The following COMMD1 variants were observed in gnomAD, a reference collection of about 807,000 sequenced individuals.
COMMD1 encodes copper metabolism domain containing 1.
A neutral mutation model predicts 17.2 loss-of-function variants in COMMD1; 10 were observed. The observed-to-expected ratio is 0.58, with a 90% CI of 0.36 to 0.99. The LOEUF (loss-of-function observed/expected upper bound fraction) is 0.99. Among genes scored for constraint, COMMD1 ranks in the 50% least tolerant of loss-of-function variants. COMMD1 has a pLI of 0.01. For synonymous variants in COMMD1, 97 were observed against 91.6 expected, an observed-to-expected ratio of 1.06 and a Z score of -0.34; for missense variants, 270 against 231.8, an observed-to-expected ratio of 1.17 and a Z score of -1.07.
intron 1 of COMMD1, among the ~76,000 whole-genome samples, chr2:61,922,449 C>G (rs540572327): frequency 2.0e-5 from 3 of 152,284 alleles, no homozygotes; most frequent in South Asian, 4.1e-4. Context: ...TCCCAAGTAG[C>G]TGGGATTATA....
intron 2 of COMMD1, among the ~76,000 whole-genome samples, chr2:62,037,198 G>GC (rs1194306135): frequency 6.6e-6 from 1 of 152,154 alleles, no homozygotes; most frequent in African/African-American, 2.4e-5. Flanking sequence ...GGCTTTGCCT[G>GC]CCCCCTGCCT....
intron 2 of COMMD1, among the ~76,000 whole-genome samples, chr2:62,011,045 A>G (rs1338764508): frequency 1.3e-5 from 2 of 152,124 alleles, no homozygotes; most frequent in Non-Finnish European, 2.9e-5. Flanking sequence ...GATCTTCAGG[A>G]CCTGTATACT....
chr2:62,063,868 AATATATATATATATAT>A (rs55740628), intron 2 of COMMD1, among the ~76,000 whole-genome samples: 17 of 81,174 alleles, frequency 2.1e-4, no homozygotes, highest in South Asian at 1.7e-3. Flanking sequence ...GTCTCTACAA[AATATATATATATATAT>A]ATATATATAT....
At position 62,078,834 on chromosome 2, in the gene COMMD1, G is replaced by A. The variant is rs1159328746; in HGVS notation, c.463-56997G>A. Among the ~76,000 whole-genome samples, 6 of 150,536 alleles carry A rather than the reference G, an allele frequency of 4.0e-5. No individual in the cohort carries two copies. In the East Asian group the frequency reaches 1.2e-3, roughly 29 times the overall value. ...GGAGGTTGCAGTGAGCCAAGATTGC[G>A]CCACTGCACTCCAGCCTGGGCAACA... On this transcript the variant is annotated intron_variant, in intron 2 of 2. Coordinates refer to ENST00000311832, the MANE Select transcript of COMMD1 (RefSeq NM_152516.4).
At chr2:62,120,760 CT>C (rs1672720713) in intron 2 of COMMD1, among the ~76,000 whole-genome samples, 1 of 152,046 alleles carries the variant, frequency 6.6e-6, no homozygotes, top group African/African-American at 2.4e-5. Context: ...GAGTCTTGCC[CT>C]GTCACCCAGG....
At chr2:61,932,268 T>G (rs10200687) in intron 1 of COMMD1, among the ~76,000 whole-genome samples, 37 of 152,352 alleles carry the variant, frequency 2.4e-4, no homozygotes, top group African/African-American at 8.4e-4. Flanking sequence ...GATTTATAAA[T>G]CCAGTACTTC....
chr2:61,957,084 A>ATGTG (rs1046474516), intron 1 of COMMD1, among the ~76,000 whole-genome samples: 1 of 87,822 alleles, frequency 1.1e-5, no homozygotes, highest in Non-Finnish European at 2.3e-5. Context: ...AGGAAGATGG[A>ATGTG]TGCGTGTGTG....
At chr2:62,101,877 G>T (rs1204408958) in intron 2 of COMMD1, among the ~76,000 whole-genome samples, 1 of 152,132 alleles carries the variant, frequency 6.6e-6, no homozygotes, top group Non-Finnish European at 1.5e-5. Flanking sequence ...TATGGTGTCT[G>T]TCTCATGTAG....
chr2:62,098,148 C>G (rs1294532098), intron 2 of COMMD1, among the ~76,000 whole-genome samples: 1 of 149,716 alleles, frequency 6.7e-6, no homozygotes, highest in Non-Finnish European at 1.5e-5. Flanking sequence ...GAGACTGTTT[C>G]CTTTCCTTTC....
At chr2:62,115,482 A>G (rs955132719) in intron 2 of COMMD1, among the ~76,000 whole-genome samples, 90 of 152,244 alleles carry the variant, frequency 5.9e-4, no homozygotes, top group African/African-American at 2.1e-3. Context: ...TCAATGTGGG[A>G]ATAATAGTGT....
chr2:61,891,754 G>T (rs1016014160), intron 1 of COMMD1, among the ~76,000 whole-genome samples: 1 of 151,576 alleles, frequency 6.6e-6, no homozygotes, highest in Non-Finnish European at 1.5e-5. Context: ...ATAAACACTT[G>T]TGTAGAGTAC....
intron 1 of COMMD1, among the ~76,000 whole-genome samples, chr2:61,960,425 TATACTTA>T (rs750527212): frequency 1.3e-5 from 2 of 151,810 alleles, no homozygotes; most frequent in Admixed American, 6.6e-5. Flanking sequence ...CAAGAAGGAG[TATACTTA>T]ATACAGTAGC....
intron 1 of COMMD1, among the ~76,000 whole-genome samples, chr2:61,961,248 T>C (rs113919881): frequency 6.6e-6 from 1 of 152,378 alleles, no homozygotes; most frequent in African/African-American, 2.4e-5. Flanking sequence ...ATTTATAACC[T>C]GACACATCTA....
At chr2:61,920,645 A>G (rs1670166311) in intron 1 of COMMD1, among the ~76,000 whole-genome samples, 1 of 152,066 alleles carries the variant, frequency 6.6e-6, no homozygotes, top group Non-Finnish European at 1.5e-5. Flanking sequence ...GACAACTGAG[A>G]TGGTAAGTTA....
intron 1 of COMMD1, among the ~76,000 whole-genome samples, chr2:61,917,600 T>C (rs1230273071): frequency 1.3e-5 from 2 of 152,124 alleles, no homozygotes; most frequent in Non-Finnish European, 2.9e-5. Context: ...TGATCTCGGC[T>C]CACTGCAAGC....
Position 62,101,939 on chromosome 2 carries a change from C to T in COMMD1, c.463-33892C>T, listed in dbSNP as rs536986987. 1.5e-4 allele frequency among the ~76,000 whole-genome samples: 23 copies of T among 152,264 alleles called. No individual in the cohort carries two copies. The South Asian group carries it at 1.9e-3, about 12-fold the overall frequency. The stretch of plus-strand genomic sequence containing the variant: ...TGGTGATTAACTTAATCTCCATCTC[C>T]TCTCCTCTCCCTGAAGGTCAGCCTA... On this transcript the variant is annotated intron_variant, in intron 2 of 2. Transcript: ENST00000311832.
intron 2 of COMMD1, among the ~76,000 whole-genome samples, chr2:62,097,046 A>G (rs137945680): frequency 1.1e-3 from 175 of 152,350 alleles, no homozygotes; most frequent in Non-Finnish European, 2.1e-3. Context: ...CTCCACAGGT[A>G]TACTGAAGAA....
At chr2:61,997,057 CTT>C (rs776532911) in intron 1 of COMMD1, among the ~76,000 whole-genome samples, 8 of 141,716 alleles carry the variant, frequency 5.6e-5, no homozygotes, top group Admixed American at 7.1e-5. Flanking sequence ...GTATTTCTTT[CTT>C]TTTTTTTTTT....
At chr2:61,915,190 G>C (rs1670018306) in intron 1 of COMMD1, among the ~76,000 whole-genome samples, 1 of 151,880 alleles carries the variant, frequency 6.6e-6, no homozygotes, top group Admixed American at 6.6e-5. Flanking sequence ...ATTTTTAGTA[G>C]AGATGGGGTT....
Sources: allele counts gnomAD v4.1 joint callset (sites outside exome capture counted in the v4.1 genomes callset), GRCh38; gene constraint gnomAD v4.1.1; transcripts MANE v1.5; gene names NCBI Gene and HGNC (gene_info 2026-07-23, HGNC 2026-07-21).